MRPL22: variants seen among roughly 807,000 people sequenced by gnomAD.
MRPL22 encodes mitochondrial ribosomal protein L22.
MRPL22 carries 27 observed loss-of-function variants against 32.4 expected under a neutral mutation model. The observed-to-expected ratio is 0.83, with a 90% confidence interval of 0.61 to 1.15. MRPL22 has a LOEUF of 1.15. MRPL22 is among the 50% of genes most tolerant of loss of function. The pLI is 0.00. For missense variants in MRPL22, 239 were observed against 260.2 expected (o/e 0.92, Z 0.56); for synonymous variants, 86 against 87.3 (o/e 0.99, Z 0.08).
chr5:154,950,590 T>C (rs374600072), intron 2 of MRPL22, among the ~76,000 whole-genome samples: 47 of 152,216 alleles, frequency 3.1e-4, no homozygotes, highest in African/African-American at 1.0e-3. Context: ...TTAATATCTA[T>C]TAACGGTTTG....
chr5:154,966,600 A>G, intron 6 of MRPL22, 86 bp from the exon 7 acceptor site: 1 of 1,386,494 alleles, frequency 7.2e-7, no homozygotes, highest in East Asian at 2.3e-5. Context: ...CTCAGAATCC[A>G]GTCAAGGAAA....
At chr5:154,946,784 G>T (rs553873973) in intron 2 of MRPL22, among the ~76,000 whole-genome samples, 3 of 152,306 alleles carry the variant, frequency 2.0e-5, no homozygotes, top group African/African-American at 7.2e-5. Flanking sequence ...TCGCACCATT[G>T]CATTCCAGCC....
At chr5:154,957,681 A>G (rs1009388219) in intron 5 of MRPL22, among the ~76,000 whole-genome samples, 3 of 152,094 alleles carry the variant, frequency 2.0e-5, no homozygotes, top group Non-Finnish European at 4.4e-5. Flanking sequence ...CTGGAACTCA[A>G]GAGACTTGGA....
At chr5:154,952,746 A>G (rs909904014) in intron 3 of MRPL22, among the ~76,000 whole-genome samples, 12 of 152,216 alleles carry the variant, frequency 7.9e-5, no homozygotes, top group African/African-American at 2.9e-4. Context: ...GCTATAATAT[A>G]CAATGTCCCT....
intron 2 of MRPL22, among the ~76,000 whole-genome samples, chr5:154,947,691 G>A (rs371559976): frequency 1.6e-4 from 24 of 152,210 alleles, no homozygotes; most frequent in African/African-American, 5.8e-4. Context: ...AAAGAAAGTC[G>A]GACTTGCCCT....
At position 154,941,120 on chromosome 5, in the gene MRPL22, G is replaced by C. The variant is rs1764407269; in HGVS notation, c.10G>C (p.Ala4Pro). Residue 4 changes from alanine to proline, a missense_variant, in exon 1 of 7, where the codon GCA (alanine) becomes CCA (proline). By Grantham distance (27) the Ala-to-Pro change is conservative. Coordinates refer to ENST00000523037, the MANE Select transcript of MRPL22 (RefSeq NM_014180.4). Reference sequence around the variant, plus strand: ...AGCGGGAGGGCGAAAGATGGCGGCGGCAGTACTGGGACAGTTGGGTAAGGA... The same window carrying C: ...AGCGGGAGGGCGAAAGATGGCGGCGCCAGTACTGGGACAGTTGGGTAAGGA... MAA[A>P]VLGQLGALWI... The C allele has an allele frequency of 6.2e-7, 1 of 1,613,994 alleles. No homozygotes were observed. Among genetic ancestry groups the C allele is most frequent in the South Asian group, 1.1e-5 (1 of 91,076 alleles).
At chr5:154,943,565 G>GATAT (rs10544928) in intron 2 of MRPL22, among the ~76,000 whole-genome samples, 5 of 150,178 alleles carry the variant, frequency 3.3e-5, no homozygotes, top group South Asian at 2.1e-4. Flanking sequence ...ATTTCTGCAG[G>GATAT]ATATATATAT....
intron 6 of MRPL22, 90 bp downstream of exon 6, chr5:154,960,139 C>T: frequency 2.2e-6 from 2 of 923,446 alleles, no homozygotes; most frequent in South Asian, 3.0e-5. Context: ...TATCTAACTC[C>T]TCAGGACTTG....
chr5:154,954,409 C>T (rs923509583), intron 3 of MRPL22, among the ~76,000 whole-genome samples: 1 of 152,174 alleles, frequency 6.6e-6, no homozygotes, highest in Non-Finnish European at 1.5e-5. Flanking sequence ...ACATTTATTT[C>T]ATTTGAATAA....
chr5:154,958,041 C>A (rs1271594898), intron 5 of MRPL22, among the ~76,000 whole-genome samples: 1 of 151,476 alleles, frequency 6.6e-6, no homozygotes, highest in East Asian at 1.9e-4. Context: ...CTCAGCCTCC[C>A]GAGTAGCTGG....
intron 2 of MRPL22, among the ~76,000 whole-genome samples, chr5:154,947,887 T>G (rs1764512861): frequency 6.6e-6 from 1 of 152,138 alleles, no homozygotes; most frequent in Non-Finnish European, 1.5e-5. Context: ...AGCTAGAACT[T>G]AAAACAGGAT....
chr5:154,962,689 G>A (rs1764720213), intron 6 of MRPL22, among the ~76,000 whole-genome samples: 1 of 152,140 alleles, frequency 6.6e-6, no homozygotes, highest in Non-Finnish European at 1.5e-5. Context: ...CAAACTTATA[G>A]TGATGACTAA....
chr5:154,944,158 A>G (rs1273302768), intron 2 of MRPL22, among the ~76,000 whole-genome samples: 1 of 152,042 alleles, frequency 6.6e-6, no homozygotes, highest in Non-Finnish European at 1.5e-5. Flanking sequence ...GGGTTTCACC[A>G]TGTTGGCCAA....
intron 2 of MRPL22, among the ~76,000 whole-genome samples, chr5:154,943,574 A>G (rs1436467329): frequency 1.3e-5 from 2 of 151,970 alleles, no homozygotes; most frequent in Admixed American, 6.6e-5. Context: ...GGATATATAT[A>G]TATATACACA....
Position 154,966,880 on chromosome 5 carries a change from A to G in MRPL22, c.604A>G (p.Ile202Val), listed in dbSNP as rs1216782208. The change falls in exon 7 of 7, where the codon ATC becomes GTC. Residue 202 changes from isoleucine to valine, a missense_variant. Physicochemically the swap from Ile to Val is conservative, Grantham distance 29. Transcript: ENST00000523037. ...TATTCAGCAGCTTCGCAGCCGGACC[A>G]TCGTTCACACTCTATGATGAGGAGA... ...EYIQQLRSRT[I>V]VHTL The G allele has an allele frequency of 1.2e-6, 2 of 1,612,778 alleles. No homozygotes were observed. Among genetic ancestry groups the G allele is most frequent in the South Asian group, 1.1e-5 (1 of 90,952 alleles).
chr5:154,941,132 C>A lies in MRPL22; in HGVS notation c.22C>A (p.Gln8Lys), dbSNP rs780602140. 2 of 1,614,012 alleles carry A rather than the reference C, an allele frequency of 1.2e-6. No homozygotes were observed. Among genetic ancestry groups the A allele is most frequent in the South Asian group, 1.1e-5 (1 of 91,074 alleles). Residue 8 changes from glutamine to lysine, a missense_variant, in exon 1 of 7, where the codon CAG becomes AAG. Transcript: ENST00000523037. MAAAVLG[Q>K]LGALWIHNLR... is the part of the protein sequence containing the mutation. ...AAAGATGGCGGCGGCAGTACTGGGA[C>A]AGTTGGGTAAGGATTTCTTAGTGGT...
chr5:154,954,601 T>C (rs1764608211), intron 3 of MRPL22, among the ~76,000 whole-genome samples: 1 of 152,180 alleles, frequency 6.6e-6, no homozygotes, highest in African/African-American at 2.4e-5. Context: ...CCAAAGTAAA[T>C]GCTGAGGTTT....
At chr5:154,965,026 T>C (rs1764748466) in intron 6 of MRPL22, among the ~76,000 whole-genome samples, 1 of 152,158 alleles carries the variant, frequency 6.6e-6, no homozygotes, top group South Asian at 2.1e-4. Context: ...GTAAACTCAT[T>C]TTTTCAGTGC....
rs188225143 is a variant in MRPL22, at chr5:154,943,540, C to G, written c.77+2275C>G. Among the ~76,000 whole-genome samples, 53 of 151,408 alleles carry G rather than the reference C, an allele frequency of 3.5e-4. No individual in the cohort carries two copies. In the East Asian group the frequency reaches 9.7e-3, roughly 28 times the overall value. On this transcript the variant is annotated intron_variant, in intron 2 of 6. Coordinates refer to ENST00000523037, the MANE Select transcript of MRPL22 (RefSeq NM_014180.4). ...TTGAATTAGGTTAAGAAAACTGCTGCTGACCAAATAAAACATTTCTGCAGG... is the reference window on the plus strand; with the variant it reads ...TTGAATTAGGTTAAGAAAACTGCTGGTGACCAAATAAAACATTTCTGCAGG...
Sources: gnomAD v4.1 joint callset for allele counts (sites outside exome capture counted in the v4.1 genomes callset) on GRCh38, gnomAD v4.1.1 for gene constraint, MANE v1.5 for transcripts, NCBI Gene and HGNC (gene_info 2026-07-23, HGNC 2026-07-21) for gene names.